SYK: variants seen among roughly 807,000 people sequenced by gnomAD.
The protein encoded by SYK is tyrosine-protein kinase SYK.
Under a neutral mutation model 77.8 loss-of-function variants are expected in SYK, and 16 were observed. The ratio of observed to expected loss-of-function variants is 0.21; its 90% CI spans 0.14 to 0.31. SYK has a LOEUF of 0.31. SYK is among the 10% of genes least tolerant of loss of function. The probability of loss-of-function intolerance (pLI) is 1.00; values close to 1 mark genes in which losing one functional copy is unlikely to be tolerated. For missense variants in SYK, 529 were observed against 814.4 expected, an observed-to-expected ratio of 0.65 and a Z score of 4.26; for synonymous variants, 312 against 308.7, an observed-to-expected ratio of 1.01 and a Z score of -0.11.
At chr9:90,838,922 G>A (rs964632622) in intron 1 of SYK, among the ~76,000 whole-genome samples, 1 of 152,204 alleles carries the variant, frequency 6.6e-6, no homozygotes, top group African/African-American at 2.4e-5. Context: ...GGAAAGTCAC[G>A]GGCTCCGTCC....
intron 11 of SYK, among the ~76,000 whole-genome samples, chr9:90,884,166 C>CGTGTATATATATAT (rs1828280342): frequency 7.7e-5 from 6 of 77,554 alleles, no homozygotes; most frequent in African/African-American, 1.7e-4. Context: ...TATATACACA[C>CGTGTATATATATAT]ATACACATAC....
intron 3 of SYK, among the ~76,000 whole-genome samples, chr9:90,858,354 C>T (rs1827123320): frequency 6.6e-6 from 1 of 152,216 alleles, no homozygotes; most frequent in South Asian, 2.1e-4. Context: ...AAGCTCAAGC[C>T]CTGGAAATCT....
At chr9:90,887,681 G>A in intron 11 of SYK, 68 bp from the exon 12 acceptor site, 1 of 1,517,746 alleles carries the variant, frequency 6.6e-7, no homozygotes, top group Non-Finnish European at 8.9e-7. Flanking sequence ...GGGATTACAG[G>A]CATGAACCAA....
At chr9:90,871,930 A>G (rs1407177489) in intron 7 of SYK, among the ~76,000 whole-genome samples, 1 of 152,230 alleles carries the variant, frequency 6.6e-6, no homozygotes, top group Non-Finnish European at 1.5e-5. Flanking sequence ...TTTCCGAGGA[A>G]GATCTCCCAT....
At chr9:90,890,469 T>C (rs1235802872) in intron 13 of SYK, among the ~76,000 whole-genome samples, 1 of 152,210 alleles carries the variant, frequency 6.6e-6, no homozygotes, top group Non-Finnish European at 1.5e-5. Flanking sequence ...AGAGTATTCT[T>C]TCTAAACGTA....
intron 1 of SYK, among the ~76,000 whole-genome samples, chr9:90,819,640 T>C (rs982775171): frequency 1.3e-5 from 2 of 152,080 alleles, no homozygotes; most frequent in Non-Finnish European, 2.9e-5. Flanking sequence ...ATTACCCCCC[T>C]TCCTTGGGTC....
Position 90,874,694 on chromosome 9 carries a change from C to G in SYK, c.1026C>G (p.Pro342=). 1 of 1,613,954 alleles carries G rather than the reference C, an allele frequency of 6.2e-7. No homozygotes were observed. The highest frequency in any genetic ancestry group is 8.5e-7 in the Non-Finnish European group (1 of 1,179,924). Reference sequence around the variant, plus strand: ...CAGGCCCCCAGAGAGAAGCCCTACCCATGGACACAGAGGTGTACGAGAGCC... The same window carrying G: ...CAGGCCCCCAGAGAGAAGCCCTACCGATGGACACAGAGGTGTACGAGAGCC... ...ADKGPQREAL[P]MDTEVYESPY... is the part of the protein sequence containing the mutation. Residue 342 remains proline (P), a synonymous_variant, in exon 9 of 14, where the codon CCC becomes CCG. Coordinates refer to ENST00000375754, the MANE Select transcript of SYK (RefSeq NM_003177.7).
intron 9 of SYK, among the ~76,000 whole-genome samples, chr9:90,876,646 C>T (rs1480732662): frequency 6.6e-6 from 1 of 152,160 alleles, no homozygotes; most frequent in African/African-American, 2.4e-5. Flanking sequence ...TGACTGTGGA[C>T]ATAATTTCAA....
intron 3 of SYK, among the ~76,000 whole-genome samples, chr9:90,858,238 G>C (rs575347523): frequency 6.6e-6 from 1 of 152,286 alleles, no homozygotes; most frequent in South Asian, 2.1e-4. Flanking sequence ...TGAGGCACAA[G>C]GCCTGCTCAC....
At chr9:90,803,231 T>C (rs976665524) in intron 1 of SYK, among the ~76,000 whole-genome samples, 1 of 152,210 alleles carries the variant, frequency 6.6e-6, no homozygotes, top group Non-Finnish European at 1.5e-5. Context: ...TATTATCCCC[T>C]GTATTTGAAG....
rs1828772882 is a variant in SYK, at chr9:90,891,147, T to TTC, written c.1835+2521_1835+2522insCT. On this transcript the variant is annotated intron_variant, in intron 13 of 13. Transcript: ENST00000375754. ...GGCCGACGCCATGTTGCCTGCTTTT[T>TTC]TTTTTTTTTTTTTTTTGAGACGGAG... Among the ~76,000 whole-genome samples, 2 of 103,498 alleles carry TTC rather than the reference T, an allele frequency of 1.9e-5. 1 individual carries two copies. Among genetic ancestry groups the TTC allele is most frequent in the East Asian group, 4.7e-4 (2 of 4,254 alleles). The allele number at this position is 103,498 out of a possible 152,430, so 67.9% of individuals were successfully genotyped here. A position where few individuals can be genotyped will look rare whatever the true frequency, so the allele number is the denominator to read the frequency against.
At chr9:90,881,747 G>T (rs143970029) in intron 11 of SYK, among the ~76,000 whole-genome samples, 2 of 151,748 alleles carry the variant, frequency 1.3e-5, no homozygotes, top group Non-Finnish European at 1.5e-5. Context: ...GCAAACGAAC[G>T]CTGGCACTCG....
rs548074380 is a variant in SYK at position 90,862,257 on chromosome 9, A to G, written c.630A>G (p.Glu210=). 2.4e-5 allele frequency: 39 copies of G among 1,614,106 alleles called. No individual in the cohort carries two copies. In the South Asian group the frequency reaches 4.2e-4, roughly 17 times the overall value. ...CCTACGCCCTGTGCCTGCTGCACGA[A>G]GGGAAGGTGCTGCACTATCGCATCG... ...NGSYALCLLH[E]GKVLHYRIDK... is the part of the protein sequence containing the mutation. Residue 210 remains glutamate, a synonymous_variant, in exon 4 of 14, where the codon GAA becomes GAG. Transcript: ENST00000375754.
chr9:90,843,754 G>T, intron 1 of SYK, 104 bp from the exon 2 acceptor site: 1 of 849,712 alleles, frequency 1.2e-6, no homozygotes, highest in Non-Finnish European at 1.7e-6. Context: ...TTTGTTCAGA[G>T]ATGGGAGGGT....
In SYK at chr9:90,897,278, A is replaced by G. The variant is rs999883264; in HGVS notation, c.*1678A>G. The G allele has an allele frequency of 3.9e-5, 9 of 230,562 alleles. No individual in the cohort carries two copies. The highest frequency in any genetic ancestry group is 1.3e-4 in the African/African-American group (6 of 45,208). The allele number at this position is 230,562 out of a possible 1,614,324, so 14.3% of individuals were successfully genotyped here. On this transcript the variant is annotated 3_prime_UTR_variant, in exon 14 of 14. Coordinates refer to ENST00000375754, the MANE Select transcript of SYK (RefSeq NM_003177.7). ...TTGTGTTTAGAAGTTTTTGGTAGCC[A>G]CGCACACTTTCTGAAATCACACTAT...
chr9:90,879,029 A>T lies in SYK; in HGVS notation c.1581+76A>T. The T allele has an allele frequency of 4.3e-6, 5 of 1,154,052 alleles. No individual in the cohort carries two copies. In the Admixed American group the frequency reaches 1.1e-4, roughly 25 times the overall value. 71.5% of individuals were successfully genotyped at this position (1,154,052 alleles called of 1,614,324 possible). A position where few individuals can be genotyped will look rare whatever the true frequency, so the allele number is the denominator to read the frequency against. On this transcript the variant is annotated intron_variant, in intron 11 of 13. Transcript: ENST00000375754. ...GATAAATGTACGTTTTCTTTATTTT[A>T]TTATTGGTATGGTTTCAAAAAGCAG... is the stretch of plus-strand genomic sequence containing the variant.
At chr9:90,855,034 A>ACACACACACG (rs1400749941) in intron 3 of SYK, among the ~76,000 whole-genome samples, 6 of 151,112 alleles carry the variant, frequency 4.0e-5, no homozygotes, top group Non-Finnish European at 8.9e-5. Flanking sequence ...ACACACACAC[A>ACACACACACG]CACACTTGAG....
chr9:90,843,416 G>A (rs185256077), intron 1 of SYK, among the ~76,000 whole-genome samples: 10 of 152,308 alleles, frequency 6.6e-5, no homozygotes, highest in Admixed American at 5.9e-4. Flanking sequence ...ACTGTGATGA[G>A]GAGCAAGGCT....
rs937971187 is a variant in SYK, at chr9:90,871,699, A to T, written c.916-2505A>T. ...CCTCCCATTTCTTCCACATTCTTCC[A>T]GTTGTGGCATCATTCTTTGCTCCAG... is the stretch of plus-strand genomic sequence containing the variant. On this transcript the variant is annotated intron_variant, in intron 7 of 13. Coordinates refer to ENST00000375754, the MANE Select transcript of SYK (RefSeq NM_003177.7). Among the ~76,000 whole-genome samples, 5 of 152,150 alleles carry T rather than the reference A, an allele frequency of 3.3e-5. No individual in the cohort carries two copies. The South Asian group carries it at 6.2e-4, about 19-fold the overall frequency.
Sources: gnomAD v4.1 joint callset for allele counts (sites outside exome capture counted in the v4.1 genomes callset) on GRCh38, gnomAD v4.1.1 for gene constraint, MANE v1.5 for transcripts, NCBI Gene and HGNC (gene_info 2026-07-23, HGNC 2026-07-21) for gene names.